UBAP2: variants seen among roughly 807,000 people sequenced by gnomAD.
UBAP2 encodes the protein ubiquitin-associated protein 2.
Under a neutral mutation model 139.6 loss-of-function variants are expected in UBAP2, and 75 were observed. That is an observed-to-expected ratio of 0.54 (90% CI 0.45 to 0.65). The LOEUF (loss-of-function observed/expected upper bound fraction) is 0.65. Ranked by LOEUF, UBAP2 falls within the 30% of genes least tolerant of loss-of-function variation. UBAP2 has a pLI of 0.00. For synonymous variants in UBAP2, 526 were observed against 526.2 expected, an observed-to-expected ratio of 1.00 and a Z score of 0.01; for missense variants, 1,368 against 1,369.6, an observed-to-expected ratio of 1.00 and a Z score of 0.02.
intron 17 of UBAP2, chr9:33,935,206 C>T (rs1451338139): frequency 7.0e-6 from 1 of 142,988 alleles, no homozygotes; most frequent in Non-Finnish European, 1.5e-5. Context: ...CCACAGTGAA[C>T]ATTTATCTCT....
At chr9:34,043,665 T>C (rs1827292189) in intron 1 of UBAP2, among the ~76,000 whole-genome samples, 1 of 152,056 alleles carries the variant, frequency 6.6e-6, no homozygotes, top group South Asian at 2.1e-4. Flanking sequence ...AGTTAATTTT[T>C]ACATTTTTTT....
At chr9:34,032,916 C>CAAAAAAAAAAAAAAAAAAAA (rs71506153) in intron 1 of UBAP2, among the ~76,000 whole-genome samples, 1 of 118,074 alleles carries the variant, frequency 8.5e-6, no homozygotes, top group Non-Finnish European at 1.7e-5. Context: ...ACCCTGTCTT[C>CAAAAAAAAAAAAAAAAAAAA]AAAAAAAAAA....
rs140788101 is a variant in UBAP2, at chr9:34,010,045, G to A, written c.99+7005C>T. On this transcript the variant is annotated intron_variant, in intron 2 of 28. Transcript: ENST00000379238. ...TGGTCTCAAACTCCTGACCTCAGGT[G>A]ATCTACCTGCCTTGGCCTCCCAAAG... Among the ~76,000 whole-genome samples the A allele has an allele frequency of 5.7e-3, 837 of 147,726 alleles. 6 individuals are homozygous for A. The highest frequency in any genetic ancestry group is 0.019 in the African/African-American group (761 of 40,364).
chr9:34,009,687 TG>T lies in UBAP2; in HGVS notation c.99+7362del, dbSNP rs376423428. ...GTTACTCAGGCTGGTCTCGAACTCC[TG>T]GACTCAAGCAATCCTCCCACCTCTG... On this transcript the variant is annotated intron_variant, in intron 2 of 28. Transcript: ENST00000379238. 5.8e-3 allele frequency among the ~76,000 whole-genome samples: 881 copies of T among 152,090 alleles called. 10 individuals carry two copies. Among genetic ancestry groups the T allele is most frequent in the African/African-American group, 0.021 (852 of 41,484 alleles).
chr9:33,930,499 A>C (rs2130875152), intron 19 of UBAP2, among the ~76,000 whole-genome samples: 1 of 152,314 alleles, frequency 6.6e-6, no homozygotes. Context: ...TTCAACATGG[A>C]AACATCAAGA....
intron 1 of UBAP2, among the ~76,000 whole-genome samples, chr9:34,042,108 T>C (rs918597077): frequency 6.6e-5 from 10 of 152,198 alleles, no homozygotes; most frequent in Middle Eastern, 3.4e-3. Flanking sequence ...AATTCTTACA[T>C]TGAGAATAAG....
At chr9:34,046,246 C>T (rs1827567297) in intron 1 of UBAP2, among the ~76,000 whole-genome samples, 1 of 151,408 alleles carries the variant, frequency 6.6e-6, no homozygotes, top group African/African-American at 2.4e-5. Flanking sequence ...CCCCACCCCC[C>T]AACCCCACAA....
At chr9:34,048,617 T>C (rs1474860813) in intron 1 of UBAP2, among the ~76,000 whole-genome samples, 1 of 150,976 alleles carries the variant, frequency 6.6e-6, no homozygotes, top group African/African-American at 2.4e-5. Flanking sequence ...CAGGGCAACG[T>C]GAGGGGAAGA....
chr9:34,008,777 C>T (rs930618628), intron 2 of UBAP2, among the ~76,000 whole-genome samples: 4 of 151,474 alleles, frequency 2.6e-5, no homozygotes, highest in African/African-American at 7.3e-5. Context: ...CCATCCTGGC[C>T]AACATGGTGA....
chr9:33,924,032 C>G, intron 23 of UBAP2, 32 bp from the exon 24 acceptor site: 1 of 1,611,046 alleles, frequency 6.2e-7, no homozygotes. Flanking sequence ...AGCCACTGCC[C>G]TTCCTCCAAC....
chr9:33,924,169 G>A (rs372170470), intron 23 of UBAP2, 37 bp downstream of exon 23: 150 of 1,610,170 alleles, frequency 9.3e-5, no homozygotes, highest in Admixed American at 1.3e-4. Context: ...GCGCTAGGCC[G>A]GCCCCGGGCT....
In UBAP2 at chr9:33,944,512, T is replaced by C. The variant is rs1270435324; in HGVS notation, c.1398A>G (p.Arg466=). 6.2e-7 allele frequency: 1 copy of C among 1,614,090 alleles called. No homozygotes were observed. Among genetic ancestry groups the C allele is most frequent in the South Asian group, 1.1e-5 (1 of 91,070 alleles). ...AGGGACTGTCTCCAGGTGTTGATTCTCGAAGTTTTGCCTGGGAAGGAAAGG... is the reference window on the plus strand; with the variant it reads ...AGGGACTGTCTCCAGGTGTTGATTCCCGAAGTTTTGCCTGGGAAGGAAAGG... The part of the protein sequence containing the change: ...LESFPSQAKL[R]ESTPGDSPST... The change falls in exon 14 of 29, where the codon CGA becomes CGG. Residue 466 remains arginine, a synonymous_variant. Transcript: ENST00000379238.
intron 1 of UBAP2, among the ~76,000 whole-genome samples, chr9:34,044,006 G>A (rs530125761): frequency 2.0e-5 from 3 of 148,136 alleles, no homozygotes; most frequent in Non-Finnish European, 4.4e-5. Context: ...CAGGCTAATC[G>A]CTTGAACCCA....
chr9:33,953,877 C>A (rs1190202444), intron 11 of UBAP2, among the ~76,000 whole-genome samples: 1 of 151,838 alleles, frequency 6.6e-6, no homozygotes, highest in Non-Finnish European at 1.5e-5. Flanking sequence ...GAATGAAGAC[C>A]TCACCTGCAG....
rs1045818240 is a variant in UBAP2, at chr9:33,921,696, G to A, written c.*808C>T. On this transcript the variant is annotated 3_prime_UTR_variant, in exon 29 of 29. Transcript: ENST00000379238. ...GTCACACCACACAGAGACCATGCAT[G>A]CTCTCAGAACTTTATTAGGTGGGGA... 1 of 152,698 alleles carries A rather than the reference G, an allele frequency of 6.5e-6. No homozygotes were observed. Among genetic ancestry groups the A allele is most frequent in the Admixed American group, 6.5e-5 (1 of 15,282 alleles). 9.5% of individuals were successfully genotyped at this position (152,698 alleles called of 1,614,324 possible). A position where few individuals can be genotyped will look rare whatever the true frequency, so the allele number is the denominator to read the frequency against.
intron 1 of UBAP2, among the ~76,000 whole-genome samples, chr9:34,041,022 G>T (rs1449511283): frequency 6.6e-6 from 1 of 152,146 alleles, no homozygotes; most frequent in Non-Finnish European, 1.5e-5. Context: ...TTTGTTTGTT[G>T]TGGGCAGGGT....
rs1554686782 is a variant in UBAP2, at chr9:33,981,205, G to GATATATATATATATATTCTGGATAT, written c.520+5530_520+5554dup. 2.2e-3 allele frequency among the ~76,000 whole-genome samples: 8 copies of GATATATATATATATATTCTGGATAT among 3,684 alleles called. 1 individual carries two copies. In the East Asian group the frequency reaches 0.041, roughly 19 times the overall value. The allele number at this position is 3,684 out of a possible 152,430, so 2.4% of individuals were successfully genotyped here. ...TCTGGATATATATATATATATTCTG[G>GATATATATATATATATTCTGGATAT]ATATATATATATATATTCTGGATAT... On this transcript the variant is annotated intron_variant, in intron 6 of 28. Transcript: ENST00000379238.
intron 1 of UBAP2, among the ~76,000 whole-genome samples, chr9:34,025,789 A>G (rs2131310889): frequency 6.6e-6 from 1 of 152,300 alleles, no homozygotes; most frequent in South Asian, 2.1e-4. Flanking sequence ...ATATTTGCCT[A>G]GGCTGGTCTC....
At chr9:33,935,207 A>C (rs1824374034) in intron 17 of UBAP2, 1 of 148,614 alleles carries the variant, frequency 6.7e-6, no homozygotes, top group African/African-American at 2.5e-5. Flanking sequence ...CACAGTGAAC[A>C]TTTATCTCTC....
Sources: allele counts gnomAD v4.1 joint callset (sites outside exome capture counted in the v4.1 genomes callset), GRCh38; gene constraint gnomAD v4.1.1; transcripts MANE v1.5; gene names NCBI Gene and HGNC (gene_info 2026-07-23, HGNC 2026-07-21).